GRAMD2B: variants seen among roughly 807,000 people sequenced by gnomAD.
The protein encoded by GRAMD2B is GRAM domain-containing protein 2B.
Under a neutral mutation model 59.2 loss-of-function variants are expected in GRAMD2B, and 41 were observed. That is an observed-to-expected ratio of 0.69 (90% CI 0.54 to 0.90). The LOEUF is 0.90. Among genes scored for constraint, GRAMD2B ranks in the 40% least tolerant of loss-of-function variants. The pLI is 0.00. For synonymous variants in GRAMD2B, 161 were observed against 182.7 expected, an observed-to-expected ratio of 0.88 and a Z score of 0.96; for missense variants, 424 against 500.5, an observed-to-expected ratio of 0.85 and a Z score of 1.46.
chr5:126,487,267 T>C (rs984604871), intron 12 of GRAMD2B, among the ~76,000 whole-genome samples: 3 of 152,140 alleles, frequency 2.0e-5, no homozygotes, highest in Non-Finnish European at 2.9e-5. Context: ...CCTTGCCCCA[T>C]TTATTAAACT....
At chr5:126,451,952 GCTCCCC>G (rs546385249) in intron 1 of GRAMD2B, among the ~76,000 whole-genome samples, 53 of 152,108 alleles carry the variant, frequency 3.5e-4, no homozygotes, top group South Asian at 6.3e-4. Flanking sequence ...GGATGTGCCT[GCTCCCC>G]CTTCGCCTTC....
exon 1 of GRAMD2B, chr5:126,360,269 T>C: frequency 1.9e-6 from 3 of 1,539,390 alleles, no homozygotes; most frequent in Admixed American, 3.9e-5. Flanking sequence ...AGATCTGGTG[T>C]AAATACAAAG....
chr5:126,455,674 C>G (rs911763387), intron 1 of GRAMD2B, among the ~76,000 whole-genome samples: 7 of 152,192 alleles, frequency 4.6e-5, no homozygotes, highest in African/African-American at 1.2e-4. Flanking sequence ...ATCCAAAGGA[C>G]TGTTTTATTT....
chr5:126,465,625 T>C (rs1768193282), intron 2 of GRAMD2B, 80 bp downstream of exon 2: 2 of 1,294,490 alleles, frequency 1.5e-6, no homozygotes, highest in Non-Finnish European at 2.2e-6. Flanking sequence ...GGTTTTTTGT[T>C]AAGAGTGAGG....
chr5:126,399,094 TA>T (rs1757607734), intron 1 of GRAMD2B, among the ~76,000 whole-genome samples: 1 of 152,192 alleles, frequency 6.6e-6, no homozygotes, highest in Non-Finnish European at 1.5e-5. Context: ...AAGTTCTATG[TA>T]AGTCTGTTAG....
intron 1 of GRAMD2B, among the ~76,000 whole-genome samples, chr5:126,431,040 A>G (rs1382103814): frequency 6.6e-6 from 1 of 152,224 alleles, no homozygotes; most frequent in African/African-American, 2.4e-5. Context: ...AGATAGATAC[A>G]AAATGAAAAA....
intron 1 of GRAMD2B, among the ~76,000 whole-genome samples, chr5:126,409,886 C>T (rs900995578): frequency 6.6e-6 from 1 of 151,842 alleles, no homozygotes; most frequent in African/African-American, 2.4e-5. Context: ...GGGAGGGATC[C>T]AGTTTCAGCT....
chr5:126,365,415 G>A (rs1012225004), intron 1 of GRAMD2B, among the ~76,000 whole-genome samples: 1 of 152,192 alleles, frequency 6.6e-6, no homozygotes, highest in African/African-American at 2.4e-5. Context: ...GGCAGAATAT[G>A]CAATAACCAC....
At chr5:126,461,024 A>G (rs1239131561) in intron 1 of GRAMD2B, among the ~76,000 whole-genome samples, 5 of 152,204 alleles carry the variant, frequency 3.3e-5, no homozygotes, top group African/African-American at 7.2e-5. Flanking sequence ...CCTTTAGCTT[A>G]GATTAACATG....
upstream of GRAMD2B, among the ~76,000 whole-genome samples, chr5:126,422,348 G>C (rs1464894714): frequency 6.6e-6 from 1 of 151,876 alleles, no homozygotes; most frequent in Non-Finnish European, 1.5e-5. Flanking sequence ...AAGCGCCTGC[G>C]CCACCTCACC....
At chr5:126,466,190 T>C (rs1768348852) in intron 2 of GRAMD2B, 3 of 1,510,674 alleles carry the variant, frequency 2.0e-6, no homozygotes, top group Non-Finnish European at 2.7e-6. Flanking sequence ...ATCATTGTGG[T>C]CCTTCACCAT....
chr5:126,475,260 T>G (rs1055903012), intron 5 of GRAMD2B, among the ~76,000 whole-genome samples: 9 of 152,212 alleles, frequency 5.9e-5, no homozygotes, highest in African/African-American at 2.2e-4. Flanking sequence ...GATTTAAGCT[T>G]TATTTTACAA....
intron 12 of GRAMD2B, among the ~76,000 whole-genome samples, chr5:126,488,369 A>G (rs1402118914): frequency 6.6e-6 from 1 of 152,248 alleles, no homozygotes; most frequent in Non-Finnish European, 1.5e-5. Flanking sequence ...TTCAAGGGAC[A>G]TTTGATTAAC....
rs1438031479 is a variant in GRAMD2B at position 126,493,705 on chromosome 5, CCT to C, written c.*750_*751del. On this transcript the variant is annotated 3_prime_UTR_variant, in exon 14 of 14. Coordinates refer to ENST00000285689, the MANE Select transcript of GRAMD2B (RefSeq NM_023927.4). ...AAATTAAACTTATTTTGAAACCAAA[CCT>C]AATTTTTAAGCCAAAAGGTGTAATA... 1 of 152,396 alleles carries C rather than the reference CCT, an allele frequency of 6.6e-6. No individual in the cohort carries two copies. The highest frequency in any genetic ancestry group is 1.9e-4 in the East Asian group (1 of 5,178). The allele number at this position is 152,396 out of a possible 1,614,324, so 9.4% of individuals were successfully genotyped here.
chr5:126,425,719 T>C (rs2149787357), intron 1 of GRAMD2B, among the ~76,000 whole-genome samples: 1 of 152,296 alleles, frequency 6.6e-6, no homozygotes, highest in South Asian at 2.1e-4. Context: ...TGAGCCATGT[T>C]CATGCCACTA....
intron 1 of GRAMD2B, 105 bp from the exon 2 acceptor site, chr5:126,465,320 GA>G: frequency 1.9e-6 from 3 of 1,572,986 alleles, no homozygotes; most frequent in Non-Finnish European, 2.6e-6. Context: ...TATCAGTGAG[GA>G]ATGAAAATCA....
Position 126,382,177 on chromosome 5 carries a change from T to C in GRAMD2B, c.125+10610T>C, listed in dbSNP as rs549364068. Reference sequence around the variant, plus strand: ...TGATGACTATGTGCCTAGTCGATTATCTTTTTGTGATGAATTTCCCACATG... The same window carrying C: ...TGATGACTATGTGCCTAGTCGATTACCTTTTTGTGATGAATTTCCCACATG... On this transcript the variant is annotated intron_variant, in intron 1 of 8. Transcript: ENST00000506445. 3.9e-5 allele frequency among the ~76,000 whole-genome samples: 6 copies of C among 152,358 alleles called. No homozygotes were observed. The East Asian group carries it at 1.2e-3, about 29-fold the overall frequency.
intron 1 of GRAMD2B, among the ~76,000 whole-genome samples, chr5:126,454,785 C>G (rs1406636736): frequency 6.6e-6 from 1 of 152,130 alleles, no homozygotes; most frequent in Non-Finnish European, 1.5e-5. Flanking sequence ...TTCATTTTTG[C>G]TACAGCAGTG....
At chr5:126,421,052 A>G (rs1284538911), upstream of GRAMD2B, among the ~76,000 whole-genome samples, 1 of 152,232 alleles carries the variant, frequency 6.6e-6, no homozygotes, top group Non-Finnish European at 1.5e-5. Context: ...AGAGACAGAA[A>G]GTAAACTAGA....
Sources: allele counts gnomAD v4.1 joint callset (sites outside exome capture counted in the v4.1 genomes callset), GRCh38; gene constraint gnomAD v4.1.1; transcripts MANE v1.5; gene names NCBI Gene and HGNC (gene_info 2026-07-23, HGNC 2026-07-21).